Variants in GLI2 observed in about 807,000 individuals in gnomAD.
GLI2 encodes the protein GLI family zinc finger 2.
Under a neutral mutation model 78.9 loss-of-function variants are expected in GLI2, and 22 were observed. That is an observed-to-expected ratio of 0.28 (90% CI 0.20 to 0.40). The LOEUF (loss-of-function observed/expected upper bound fraction) is 0.40, where lower values mean the gene tolerates loss of function less well. Ranked by LOEUF, GLI2 falls within the 10% of genes least tolerant of loss-of-function variation. The pLI, the probability that GLI2 is intolerant of heterozygous loss-of-function variation, is 1.00. For synonymous variants in GLI2, 974 were observed against 963.7 expected (o/e 1.01, Z -0.20); for missense variants, 2,097 against 2,213.2 (o/e 0.95, Z 1.05).
In GLI2 at chr2:120,989,245, G is replaced by T; in HGVS notation, c.3280G>T (p.Val1094Leu). Residue 1094 changes from valine to leucine, a missense_variant, in exon 14 of 14, where the codon GTG (valine) becomes TTG (leucine). Coordinates refer to ENST00000361492, the MANE Select transcript of GLI2 (RefSeq NM_001374353.1). ...GGGGCTGCACGGCCAGCGCAGGATG[G>T]TGGCTGCGGACTCCAACGTGGGCCC... ...SPGLHGQRRM[V>L]AADSNVGPSA... 1 of 1,613,158 alleles carries T rather than the reference G, an allele frequency of 6.2e-7. No individual in the cohort carries two copies. Among genetic ancestry groups the T allele is most frequent in the South Asian group, 1.1e-5 (1 of 91,090 alleles).
At chr2:120,843,865 C>T (rs1458429107) in intron 2 of GLI2, among the ~76,000 whole-genome samples, 1 of 152,126 alleles carries the variant, frequency 6.6e-6, no homozygotes, top group Non-Finnish European at 1.5e-5. Context: ...CAGGGTTTCA[C>T]CATGTTGGCT....
In GLI2 at chr2:120,984,554, C is replaced by T. The variant is rs748680902; in HGVS notation, c.1716C>T (p.His572=). 25 of 1,614,110 alleles carry T rather than the reference C, an allele frequency of 1.5e-5. No homozygotes were observed. Among genetic ancestry groups the T allele is most frequent in the Middle Eastern group, 1.6e-4 (1 of 6,084 alleles). The part of the protein sequence containing the change: ...SSLRKHVKTV[H]GPDAHVTKKQ... ...TCCGGAAGCATGTGAAAACGGTCCACGGCCCAGATGCCCACGTCACCAAGA... is the reference window on the plus strand; with the variant it reads ...TCCGGAAGCATGTGAAAACGGTCCATGGCCCAGATGCCCACGTCACCAAGA... The change falls in exon 12 of 14, where the codon CAC becomes CAT. Residue 572 remains histidine (H), a synonymous_variant. Transcript: ENST00000361492.
chr2:120,894,858 C>T (rs1259061123), intron 2 of GLI2, among the ~76,000 whole-genome samples: 2 of 152,224 alleles, frequency 1.3e-5, no homozygotes, highest in Non-Finnish European at 2.9e-5. Context: ...GCCACCAAGC[C>T]TGGCTAATTT....
intron 2 of GLI2, among the ~76,000 whole-genome samples, chr2:120,900,793 G>A (rs1023780297): frequency 1.3e-5 from 2 of 152,238 alleles, no homozygotes; most frequent in African/African-American, 4.8e-5. Flanking sequence ...GATGGTAGAG[G>A]CGGCTCTGGA....
At chr2:120,969,855 C>T (rs530203863) in intron 6 of GLI2, among the ~76,000 whole-genome samples, 7 of 152,188 alleles carry the variant, frequency 4.6e-5, no homozygotes, top group South Asian at 4.1e-4. Context: ...GAGGAAGCCA[C>T]GATGTCTTTT....
At chr2:120,953,483 G>A (rs1335072819) in intron 4 of GLI2, among the ~76,000 whole-genome samples, 2 of 152,208 alleles carry the variant, frequency 1.3e-5, no homozygotes, top group Non-Finnish European at 2.9e-5. Flanking sequence ...TTAACACAAA[G>A]TTTATGCTGA....
chr2:120,846,714 G>T (rs886914854), intron 2 of GLI2, among the ~76,000 whole-genome samples: 3 of 152,234 alleles, frequency 2.0e-5, no homozygotes, highest in Non-Finnish European at 4.4e-5. Flanking sequence ...GCAGTCCCAA[G>T]CTTGGTCCTC....
In GLI2 at chr2:120,742,109, G is replaced by A. The variant is rs1682565670; in HGVS notation, c.-31+5824G>A. On this transcript the variant is annotated intron_variant, in intron 1 of 13. Coordinates refer to ENST00000361492, the MANE Select transcript of GLI2 (RefSeq NM_001374353.1). Reference sequence around the variant, plus strand: ...ACTCCACGGGAGCCGGGAAGAGAGAGGCCCCGTGACCAAACTTTTGGTGGC... The same window carrying A: ...ACTCCACGGGAGCCGGGAAGAGAGAAGCCCCGTGACCAAACTTTTGGTGGC... 2.0e-5 allele frequency among the ~76,000 whole-genome samples: 3 copies of A among 152,370 alleles called. No homozygotes were observed. The South Asian group carries it at 6.2e-4, about 32-fold the overall frequency.
intron 8 of GLI2, among the ~76,000 whole-genome samples, chr2:120,973,194 C>G (rs1682276190): frequency 6.6e-6 from 1 of 152,264 alleles, no homozygotes; most frequent in African/African-American, 2.4e-5. Flanking sequence ...TTCTTCTCCC[C>G]TTGCTGACAC....
At chr2:120,849,363 G>A (rs549838007) in intron 2 of GLI2, among the ~76,000 whole-genome samples, 3 of 152,144 alleles carry the variant, frequency 2.0e-5, no homozygotes, top group Non-Finnish European at 2.9e-5. Flanking sequence ...AATTAAATGG[G>A]TGTCGTTGAT....
chr2:120,969,100 G>A (rs924113049), intron 6 of GLI2, among the ~76,000 whole-genome samples, 185 bp downstream of exon 6: 7 of 152,224 alleles, frequency 4.6e-5, no homozygotes, highest in Non-Finnish European at 7.3e-5. Flanking sequence ...ATTGAAATGA[G>A]CCCATATCTG....
chr2:120,936,857 T>A (rs2104902646), intron 3 of GLI2, among the ~76,000 whole-genome samples: 1 of 152,308 alleles, frequency 6.6e-6, no homozygotes, highest in East Asian at 1.9e-4. Context: ...TTGAGGCCAC[T>A]CCTGCCAGCC....
chr2:120,799,358 G>A (rs981221828), intron 2 of GLI2, among the ~76,000 whole-genome samples: 1 of 152,212 alleles, frequency 6.6e-6, no homozygotes, highest in Non-Finnish European at 1.5e-5. Flanking sequence ...CCCAGCCTTC[G>A]TGAGCATAGT....
At chr2:120,872,080 G>A (rs1688492063) in intron 2 of GLI2, among the ~76,000 whole-genome samples, 2 of 152,352 alleles carry the variant, frequency 1.3e-5, no homozygotes, top group Middle Eastern at 3.4e-3. Context: ...AAAGTTTGTT[G>A]TGCCAGGTGG....
chr2:120,931,009 C>T (rs977936690), intron 3 of GLI2, among the ~76,000 whole-genome samples: 2 of 152,230 alleles, frequency 1.3e-5, no homozygotes, highest in Middle Eastern at 3.2e-3. Flanking sequence ...ACAGAAATGG[C>T]CTTGTCCCTC....
At chr2:120,828,687 C>G (rs1686203020) in intron 2 of GLI2, among the ~76,000 whole-genome samples, 1 of 152,144 alleles carries the variant, frequency 6.6e-6, no homozygotes, top group African/African-American at 2.4e-5. Flanking sequence ...ACAGCCAAAT[C>G]CGCTCAGTAA....
intron 1 of GLI2, among the ~76,000 whole-genome samples, chr2:120,794,751 G>A (rs1684307546): frequency 6.6e-6 from 1 of 152,158 alleles, no homozygotes; most frequent in East Asian, 1.9e-4. Flanking sequence ...TATAGTGCTA[G>A]TAGGCCATTC....
chr2:120,831,460 C>T (rs1686357343), intron 2 of GLI2, among the ~76,000 whole-genome samples: 1 of 152,180 alleles, frequency 6.6e-6, no homozygotes, highest in African/African-American at 2.4e-5. Context: ...TGATGTCAGG[C>T]CAGAGGGCAC....
chr2:120,906,861 C>T (rs1678560815), intron 2 of GLI2, among the ~76,000 whole-genome samples: 1 of 152,206 alleles, frequency 6.6e-6, no homozygotes, highest in Non-Finnish European at 1.5e-5. Flanking sequence ...GGCCCTGCAT[C>T]CTGCATTGAG....
Sources: allele counts gnomAD v4.1 joint callset (sites outside exome capture counted in the v4.1 genomes callset), GRCh38; gene constraint gnomAD v4.1.1; transcripts MANE v1.5; gene names NCBI Gene and HGNC (gene_info 2026-07-23, HGNC 2026-07-21).